Variants in DCC observed in about 807,000 individuals in gnomAD.
DCC encodes the protein DCC netrin 1 receptor, also known as netrin receptor DCC.
A neutral mutation model predicts 172.5 loss-of-function variants in DCC; 58 were observed. The observed-to-expected ratio is 0.34, with a 90% CI of 0.27 to 0.42. The LOEUF is 0.42. Among genes scored for constraint, DCC ranks in the 10% least tolerant of loss-of-function variants. The probability of loss-of-function intolerance (pLI) is 1.00; values close to 1 mark genes in which losing one functional copy is unlikely to be tolerated. For synonymous variants in DCC, 709 were observed against 644.5 expected, an observed-to-expected ratio of 1.10 and a Z score of -1.52; for missense variants, 1,740 against 1,791.0, an observed-to-expected ratio of 0.97 and a Z score of 0.51.
intron 13 of DCC, among the ~76,000 whole-genome samples, chr18:53,313,529 A>G (rs2057308376): frequency 6.6e-6 from 1 of 152,178 alleles, no homozygotes; most frequent in Non-Finnish European, 1.5e-5. Context: ...TACAGGCTTG[A>G]GCCACCGCTC....
intron 15 of DCC, among the ~76,000 whole-genome samples, chr18:53,341,222 A>G (rs1368395135): frequency 6.6e-6 from 1 of 152,190 alleles, no homozygotes; most frequent in African/African-American, 2.4e-5. Flanking sequence ...AGACAGAGGG[A>G]GGGAGGTGCC....
At chr18:52,802,677 T>C (rs2038015429) in intron 2 of DCC, among the ~76,000 whole-genome samples, 1 of 99,122 alleles carries the variant, frequency 1.0e-5, no homozygotes, top group African/African-American at 4.6e-5. Context: ...TTTTTTTTTT[T>C]TTTTTTAATG....
chr18:52,931,433 G>C (rs184799383), intron 5 of DCC, among the ~76,000 whole-genome samples: 1 of 151,878 alleles, frequency 6.6e-6, no homozygotes, highest in African/African-American at 2.4e-5. Flanking sequence ...TTAGACTCTT[G>C]TTTTGCCTTT....
chr18:52,682,467 G>C (rs1398013398), intron 1 of DCC, among the ~76,000 whole-genome samples: 3 of 152,074 alleles, frequency 2.0e-5, no homozygotes, highest in Non-Finnish European at 4.4e-5. Context: ...GGAACGTGAA[G>C]AAGAATAGTG....
intron 2 of DCC, among the ~76,000 whole-genome samples, chr18:52,785,865 C>T (rs1490216858): frequency 6.6e-6 from 1 of 151,976 alleles, no homozygotes; most frequent in Non-Finnish European, 1.5e-5. Context: ...CCTAAGCATC[C>T]TTCTTTTTAA....
chr18:52,546,187 C>T (rs2032610628), intron 1 of DCC, among the ~76,000 whole-genome samples: 1 of 151,974 alleles, frequency 6.6e-6, no homozygotes, highest in Non-Finnish European at 1.5e-5. Context: ...ATCCAGATAG[C>T]TAGAAAACTA....
At chr18:52,825,181 G>A (rs1017743963) in intron 2 of DCC, among the ~76,000 whole-genome samples, 1 of 152,102 alleles carries the variant, frequency 6.6e-6, no homozygotes, top group Non-Finnish European at 1.5e-5. Flanking sequence ...ATATGACAAA[G>A]AGAATGGATG....
chr18:53,295,432 A>G (rs1292498779), intron 12 of DCC, among the ~76,000 whole-genome samples: 1 of 152,156 alleles, frequency 6.6e-6, no homozygotes, highest in Non-Finnish European at 1.5e-5. Context: ...ATTGTTAATG[A>G]AAATTGTTTA....
At chr18:52,540,331 G>T (rs1279578330) in intron 1 of DCC, among the ~76,000 whole-genome samples, 1 of 151,984 alleles carries the variant, frequency 6.6e-6, no homozygotes, top group Non-Finnish European at 1.5e-5. Flanking sequence ...GGAGACTAAG[G>T]TGGGAGGGTC....
chr18:52,780,216 A>G lies in DCC; in HGVS notation c.412+27842A>G, dbSNP rs28762972. Among the ~76,000 whole-genome samples the G allele has an allele frequency of 6.8e-3, 1,032 of 152,246 alleles. 13 individuals carry two copies. The highest frequency in any genetic ancestry group is 0.023 in the African/African-American group (935 of 41,532). Reference sequence around the variant, plus strand: ...CTGTTTTTCCTTTATATGAGATTCAATAGATATGTAGTTATACAAATTGAC... The same window carrying G: ...CTGTTTTTCCTTTATATGAGATTCAGTAGATATGTAGTTATACAAATTGAC... On this transcript the variant is annotated intron_variant, in intron 2 of 28. Transcript: ENST00000442544.
intron 18 of DCC, 80 bp downstream of exon 18, chr18:53,397,526 A>G: frequency 6.8e-7 from 1 of 1,474,726 alleles, no homozygotes; most frequent in Non-Finnish European, 9.5e-7. Context: ...TGTGTTCCCT[A>G]TGGTGTCTCA....
rs550368114 is a variant in DCC at position 52,472,197 on chromosome 18, G to T, written c.91+131319G>T. Among the ~76,000 whole-genome samples the T allele has an allele frequency of 2.0e-5, 3 of 152,248 alleles. No homozygotes were observed. In the South Asian group the frequency reaches 6.2e-4, roughly 32 times the overall value. On this transcript the variant is annotated intron_variant, in intron 1 of 28. Coordinates refer to ENST00000442544, the MANE Select transcript of DCC (RefSeq NM_005215.4). Reference sequence around the variant, plus strand: ...CAGTCCAGTGAAATGAGTCAAAAGTGAGCTTCCTTTTACCCTCAATAGACA... The same window carrying T: ...CAGTCCAGTGAAATGAGTCAAAAGTTAGCTTCCTTTTACCCTCAATAGACA...
intron 8 of DCC, 43 bp downstream of exon 8, chr18:53,157,555 C>A (rs2054763544): frequency 6.2e-7 from 1 of 1,605,446 alleles, no homozygotes. Context: ...TCGGTCATCT[C>A]TTTAAGTCAA....
chr18:53,344,614 G>A (rs148244674), intron 15 of DCC, among the ~76,000 whole-genome samples: 2 of 151,114 alleles, frequency 1.3e-5, no homozygotes, highest in South Asian at 4.2e-4. Flanking sequence ...GCTAATTTTT[G>A]TATTTTTAGT....
intron 20 of DCC, among the ~76,000 whole-genome samples, chr18:53,411,152 C>G (rs1310235616): frequency 6.6e-6 from 1 of 151,664 alleles, no homozygotes; most frequent in Non-Finnish European, 1.5e-5. Flanking sequence ...AATATGATAT[C>G]TAGAAGAAAA....
chr18:52,990,624 TTA>T (rs1273465446), intron 5 of DCC, among the ~76,000 whole-genome samples: 3 of 150,174 alleles, frequency 2.0e-5, no homozygotes, highest in Admixed American at 6.7e-5. Flanking sequence ...TATAAATAAA[TTA>T]TCAGTTTTTT....
At chr18:53,364,620 G>A (rs890127817) in intron 15 of DCC, among the ~76,000 whole-genome samples, 7 of 152,104 alleles carry the variant, frequency 4.6e-5, no homozygotes, top group African/African-American at 1.7e-4. Context: ...GGTAAATGGG[G>A]ATGGTGACTC....
intron 2 of DCC, among the ~76,000 whole-genome samples, chr18:52,846,658 G>T (rs953048733): frequency 1.7e-5 from 2 of 118,024 alleles, no homozygotes; most frequent in Non-Finnish European, 3.8e-5. Flanking sequence ...CACACTTGGG[G>T]ATACTTGTCT....
chr18:53,192,336 A>T (rs565568888), intron 9 of DCC, among the ~76,000 whole-genome samples: 107 of 152,276 alleles, frequency 7.0e-4, no homozygotes, highest in African/African-American at 2.5e-3. Flanking sequence ...AAGATATTTT[A>T]TCTTGGGCTC....
Sources: gnomAD v4.1 joint callset for allele counts (sites outside exome capture counted in the v4.1 genomes callset) on GRCh38, gnomAD v4.1.1 for gene constraint, MANE v1.5 for transcripts, NCBI Gene and HGNC (gene_info 2026-07-23, HGNC 2026-07-21) for gene names.